SUSD5: variants seen among roughly 807,000 people sequenced by gnomAD.
The protein encoded by SUSD5 is sushi domain containing 5.
Under a neutral mutation model 29.5 loss-of-function variants are expected in SUSD5, and 33 were observed. That is an observed-to-expected ratio of 1.12 (90% CI 0.85 to 1.49). The LOEUF (loss-of-function observed/expected upper bound fraction) is 1.49, where lower values mean the gene tolerates loss of function less well. Among genes scored for constraint, SUSD5 ranks in the 40% most tolerant of loss-of-function variants. The pLI is 0.00. For missense variants in SUSD5, 776 were observed against 800.6 expected (o/e 0.97, Z 0.37); for synonymous variants, 308 against 325.3 (o/e 0.95, Z 0.57).
In SUSD5 at chr3:33,151,084, ATCTGTGCCTTT is replaced by A; in HGVS notation, c.*1647_*1657del. 1 of 152,194 alleles carries A rather than the reference ATCTGTGCCTTT, an allele frequency of 6.6e-6. No homozygotes were observed. The highest frequency in any genetic ancestry group is 1.5e-5 in the Non-Finnish European group (1 of 68,018). The allele number at this position is 152,194 out of a possible 1,614,324, so 9.4% of individuals were successfully genotyped here. A position where few individuals can be genotyped will look rare whatever the true frequency, so the allele number is the denominator to read the frequency against. ...TCCACACAACACACACCACATACTC[ATCTGTGCCTTT>A]AGGGCTTCAGCTGGCCTCGAAGTTC... On this transcript the variant is annotated 3_prime_UTR_variant, in exon 5 of 5. Coordinates refer to ENST00000309558, the MANE Select transcript of SUSD5 (RefSeq NM_015551.2).
At chr3:33,179,271 T>A (rs758429779) in intron 3 of SUSD5, among the ~76,000 whole-genome samples, 4 of 152,218 alleles carry the variant, frequency 2.6e-5, no homozygotes, top group Non-Finnish European at 4.4e-5. Context: ...CTCTTTTTTT[T>A]AAAAGCATAA....
intron 3 of SUSD5, among the ~76,000 whole-genome samples, chr3:33,191,004 T>A (rs1176429798): frequency 6.6e-6 from 1 of 152,198 alleles, no homozygotes; most frequent in Non-Finnish European, 1.5e-5. Flanking sequence ...TATACCTTCT[T>A]CATAGAGCAT....
Position 33,218,777 on chromosome 3 carries a change from G to A in SUSD5, c.21C>T (p.Ser7=), listed in dbSNP as rs969931035. Residue 7 remains serine (S), a synonymous_variant, in exon 1 of 5, where the codon AGC becomes AGT. Transcript: ENST00000309558. The part of the protein sequence containing the change: MTAEGP[S]PPARWHRRLP... Reference sequence around the variant, plus strand: ...GGCGTCTGTGCCAACGGGCAGGCGGGCTGGGTCCCTCGGCAGTCATGGTCC... The same window carrying A: ...GGCGTCTGTGCCAACGGGCAGGCGGACTGGGTCCCTCGGCAGTCATGGTCC... The A allele has an allele frequency of 9.0e-5, 129 of 1,440,820 alleles. No individual in the cohort carries two copies. The highest frequency in any genetic ancestry group is 1.1e-4 in the Non-Finnish European group (118 of 1,103,468). The allele number at this position is 1,440,820 out of a possible 1,614,324, so 89.3% of individuals were successfully genotyped here.
intron 3 of SUSD5, among the ~76,000 whole-genome samples, chr3:33,175,655 CGTAT>C (rs1263700899): frequency 1.3e-5 from 2 of 151,478 alleles, no homozygotes; most frequent in African/African-American, 4.9e-5. Flanking sequence ...GGATTTATAT[CGTAT>C]GTATTATTGA....
intron 4 of SUSD5, among the ~76,000 whole-genome samples, chr3:33,170,594 C>T (rs533200675): frequency 7.9e-5 from 12 of 152,320 alleles, no homozygotes; most frequent in Admixed American, 3.3e-4. Flanking sequence ...CTACACCATC[C>T]ACTCCCTCAC....
intron 3 of SUSD5, among the ~76,000 whole-genome samples, chr3:33,196,336 GAGA>G (rs2031995716): frequency 6.6e-6 from 1 of 152,264 alleles, no homozygotes; most frequent in Non-Finnish European, 1.5e-5. Flanking sequence ...GGTTCAAGGT[GAGA>G]AGAAGCTAGC....
chr3:33,164,137 G>A (rs960329753), intron 4 of SUSD5, among the ~76,000 whole-genome samples: 1 of 152,086 alleles, frequency 6.6e-6, no homozygotes, highest in African/African-American at 2.4e-5. Context: ...TCTTGCCACG[G>A]CACTCCAGCC....
intron 4 of SUSD5, among the ~76,000 whole-genome samples, chr3:33,166,674 C>A (rs2125617478): frequency 6.6e-6 from 1 of 152,246 alleles, no homozygotes; most frequent in African/African-American, 2.4e-5. Context: ...GTAGGCACTC[C>A]ATAAATGTTT....
chr3:33,189,039 A>C (rs1357801394), intron 3 of SUSD5, among the ~76,000 whole-genome samples: 1 of 152,190 alleles, frequency 6.6e-6, no homozygotes, highest in Non-Finnish European at 1.5e-5. Flanking sequence ...CTACCAGGGA[A>C]GCAATATAGT....
At chr3:33,172,609 G>T (rs1286465040) in intron 4 of SUSD5, among the ~76,000 whole-genome samples, 2 of 152,222 alleles carry the variant, frequency 1.3e-5, no homozygotes, top group Non-Finnish European at 2.9e-5. Flanking sequence ...CTCCCGCCTG[G>T]CACAAAGCAA....
chr3:33,208,505 G>C (rs1002049041), intron 2 of SUSD5, among the ~76,000 whole-genome samples: 9 of 152,000 alleles, frequency 5.9e-5, no homozygotes, highest in African/African-American at 1.7e-4. Context: ...GGAGCCTCCT[G>C]TCTACTAATA....
At chr3:33,177,092 A>G (rs891699112) in intron 3 of SUSD5, among the ~76,000 whole-genome samples, 4 of 152,170 alleles carry the variant, frequency 2.6e-5, no homozygotes, top group African/African-American at 9.7e-5. Flanking sequence ...ACCTCTCCAT[A>G]TAAACTACAG....
Position 33,152,734 on chromosome 3 carries a change from A to C in SUSD5, c.*8T>G. ...AAGTGGCTTTGGGAGAACCCACTCC[A>C]AAGGTGCCTAGACCTTCTCCATCTC... On this transcript the variant is annotated 3_prime_UTR_variant, in exon 5 of 5. Coordinates refer to ENST00000309558, the MANE Select transcript of SUSD5 (RefSeq NM_015551.2). 6.3e-7 allele frequency: 1 copy of C among 1,591,518 alleles called. No individual in the cohort carries two copies. Among genetic ancestry groups the C allele is most frequent in the Non-Finnish European group, 8.6e-7 (1 of 1,168,804 alleles).
chr3:33,199,747 G>C (rs181219875), intron 3 of SUSD5, among the ~76,000 whole-genome samples: 1 of 152,318 alleles, frequency 6.6e-6, no homozygotes, highest in East Asian at 1.9e-4. Flanking sequence ...CTATTTGGAA[G>C]TGGGACTTTT....
At position 33,165,916 on chromosome 3, in the gene SUSD5, G is replaced by A. The variant is rs374515110; in HGVS notation, c.598+8970C>T. Among the ~76,000 whole-genome samples, 5 of 151,764 alleles carry A rather than the reference G, an allele frequency of 3.3e-5. No individual in the cohort carries two copies. In the East Asian group the frequency reaches 5.8e-4, roughly 18 times the overall value. ...CTGGCACTTCGGGAGCCCGAGATAGGAGGATCACTTGAACCCAGGAGTTCA... is the reference window on the plus strand; with the variant it reads ...CTGGCACTTCGGGAGCCCGAGATAGAAGGATCACTTGAACCCAGGAGTTCA... On this transcript the variant is annotated intron_variant, in intron 4 of 4. Coordinates refer to ENST00000309558, the MANE Select transcript of SUSD5 (RefSeq NM_015551.2).
At chr3:33,182,486 C>T (rs1362136233) in intron 3 of SUSD5, among the ~76,000 whole-genome samples, 2 of 152,184 alleles carry the variant, frequency 1.3e-5, no homozygotes, top group Non-Finnish European at 2.9e-5. Context: ...GCTGATCTGC[C>T]TGCCAGATCT....
chr3:33,210,072 T>G (rs2032294842), intron 2 of SUSD5, among the ~76,000 whole-genome samples: 1 of 152,358 alleles, frequency 6.6e-6, no homozygotes, highest in South Asian at 2.1e-4. Flanking sequence ...TGTCTCCTCA[T>G]GCAACTAGTT....
chr3:33,168,647 ATTT>A, intron 4 of SUSD5: 1 of 939,934 alleles, frequency 1.1e-6, no homozygotes, highest in Non-Finnish European at 1.3e-6. Flanking sequence ...GCCTGGTTTT[ATTT>A]TTTATTTTTA....
chr3:33,152,663 T>C lies in SUSD5; in HGVS notation c.*79A>G. The C allele has an allele frequency of 7.0e-7, 1 of 1,420,354 alleles. No individual in the cohort carries two copies. The allele number at this position is 1,420,354 out of a possible 1,614,324, so 88.0% of individuals were successfully genotyped here. On this transcript the variant is annotated 3_prime_UTR_variant, in exon 5 of 5. Coordinates refer to ENST00000309558, the MANE Select transcript of SUSD5 (RefSeq NM_015551.2). The stretch of plus-strand genomic sequence containing the variant: ...GATGAGCCTCAGTCCACCTGCGTCA[T>C]GCTCTAGTGAATTATCGTGTGATGT...
Sources: gnomAD v4.1 joint callset for allele counts (sites outside exome capture counted in the v4.1 genomes callset) on GRCh38, gnomAD v4.1.1 for gene constraint, MANE v1.5 for transcripts, NCBI Gene and HGNC (gene_info 2026-07-23, HGNC 2026-07-21) for gene names.